Variants in ANKRD54 observed in about 807,000 individuals in gnomAD.
ANKRD54 encodes ankyrin repeat domain-containing protein 54.
A neutral mutation model predicts 36.2 loss-of-function variants in ANKRD54; 26 were observed. The ratio of observed to expected loss-of-function variants is 0.72; its 90% CI spans 0.53 to 1.00. The LOEUF (loss-of-function observed/expected upper bound fraction) is 1.00, where lower values mean the gene tolerates loss of function less well. Ranked by LOEUF, ANKRD54 falls within the 50% of genes least tolerant of loss-of-function variation. The pLI, the probability that ANKRD54 is intolerant of heterozygous loss-of-function variation, is 0.00. For missense variants in ANKRD54, 384 were observed against 424.3 expected (o/e 0.91, Z 0.83); for synonymous variants, 209 against 188.4 (o/e 1.11, Z -0.89).
chr22:37,833,221 CA>C lies in ANKRD54; in HGVS notation c.548-16del, dbSNP rs1235958961. The C allele has an allele frequency of 2.5e-6, 4 of 1,613,008 alleles. No individual in the cohort carries two copies. Among genetic ancestry groups the C allele is most frequent in the African/African-American group, 1.3e-5 (1 of 74,918 alleles). On this transcript the variant is annotated splice_polypyrimidine_tract_variant and intron_variant, in intron 4 of 7. Coordinates refer to ENST00000215941, the MANE Select transcript of ANKRD54 (RefSeq NM_138797.4). ...GGTGCAGGCCGCTGAGGAAGAACAACAGAGACTTAAGAATCCAGGACCACCA... is the reference window on the plus strand; with the variant it reads ...GGTGCAGGCCGCTGAGGAAGAACAACGAGACTTAAGAATCCAGGACCACCA...
chr22:37,837,654 A>C (rs960847744), intron 3 of ANKRD54, among the ~76,000 whole-genome samples: 51 of 152,338 alleles, frequency 3.3e-4, no homozygotes, highest in African/African-American at 1.2e-3. Flanking sequence ...GTACTGATAT[A>C]GGCAGTATTC....
At chr22:37,837,481 A>C (rs920093491) in intron 3 of ANKRD54, among the ~76,000 whole-genome samples, 1 of 152,360 alleles carries the variant, frequency 6.6e-6, no homozygotes, top group Non-Finnish European at 1.5e-5. Flanking sequence ...TACTAACTAC[A>C]GTCCACCCTC....
At chr22:37,832,149 CGCA>C in intron 7 of ANKRD54, 132 bp from the exon 8 acceptor site, 1 of 829,986 alleles carries the variant, frequency 1.2e-6, no homozygotes, top group Non-Finnish European at 1.9e-6. Context: ...CTTCTGACTA[CGCA>C]GCAGTTGACC....
In ANKRD54 at chr22:37,843,926, C is replaced by T; in HGVS notation, c.313G>A (p.Gly105Ser). 7.4e-7 allele frequency: 1 copy of T among 1,350,872 alleles called. No individual in the cohort carries two copies. The highest frequency in any genetic ancestry group is 9.5e-7 in the Non-Finnish European group (1 of 1,054,494). 83.7% of individuals were successfully genotyped at this position (1,350,872 alleles called of 1,614,324 possible). Reference sequence around the variant, plus strand: ...CGCCGCTCACCGTGCACCTCCTTGCCCGTGGGCCCGAGCCGCCGGTGGGGC... The same window carrying T: ...CGCCGCTCACCGTGCACCTCCTTGCTCGTGGGCCCGAGCCGCCGGTGGGGC... ...ARPHRRLGPT[G>S]KEVHALKRLR... is the part of the protein sequence containing the mutation. Residue 105 changes from glycine (G) to serine (S), a missense_variant, in exon 1 of 8, where the codon GGC (glycine) becomes AGC (serine). Coordinates refer to ENST00000215941, the MANE Select transcript of ANKRD54 (RefSeq NM_138797.4).
intron 3 of ANKRD54, among the ~76,000 whole-genome samples, chr22:37,835,685 C>T (rs773866871): frequency 3.3e-5 from 5 of 151,600 alleles, no homozygotes; most frequent in African/African-American, 9.7e-5. Context: ...GTGCACCTGT[C>T]GTCCCAGCTA....
upstream of ANKRD54, chr22:37,849,214 G>GGCCTCA: frequency 1.7e-6 from 1 of 572,524 alleles, no homozygotes; most frequent in Non-Finnish European, 3.2e-6. Context: ...TCAAACCCCC[G>GGCCTCA]GCCTCAGCCT....
chr22:37,840,074 C>G, intron 2 of ANKRD54, 113 bp downstream of exon 2: 1 of 1,253,986 alleles, frequency 8.0e-7, no homozygotes, highest in Non-Finnish European at 1.2e-6. Flanking sequence ...TACAGTGAGC[C>G]TGCTCCAAGG....
chr22:37,846,914 CAG>C (rs1271124773), upstream of ANKRD54, among the ~76,000 whole-genome samples: 2 of 147,952 alleles, frequency 1.4e-5, no homozygotes, highest in East Asian at 4.0e-4. Flanking sequence ...AGTGCAGTGG[CAG>C]GATCTCGGCT....
In ANKRD54 at chr22:37,832,693, G is replaced by A. The variant is rs751226170; in HGVS notation, c.772C>T (p.Arg258Ter). The change falls in exon 7 of 8, where the codon CGA becomes TGA. Residue 258 changes from arginine to a stop codon, truncating the protein, a stop_gained. Coordinates refer to ENST00000215941, the MANE Select transcript of ANKRD54 (RefSeq NM_138797.4). LOFTEE classifies it high-confidence loss of function. ...YLERLGQHEQ[R>*]ERLDDLCTRL... ...GTGCAGAGGTCATCCAGGCGTTCTC[G>A]CTGCTCATGTTGCCCTAGGCGCTCC... 4.3e-6 allele frequency: 7 copies of A among 1,613,978 alleles called. No homozygotes were observed. The highest frequency in any genetic ancestry group is 2.2e-5 in the East Asian group (1 of 44,904).
intron 1 of ANKRD54, among the ~76,000 whole-genome samples, chr22:37,841,403 A>G (rs1924222161): frequency 6.6e-6 from 1 of 151,906 alleles, no homozygotes; most frequent in South Asian, 2.1e-4. Flanking sequence ...GTGCACGCCT[A>G]CAATCCCAGC....
chr22:37,845,595 G>C (rs184298394), upstream of ANKRD54, among the ~76,000 whole-genome samples: 1 of 152,268 alleles, frequency 6.6e-6, no homozygotes, highest in African/African-American at 2.4e-5. Context: ...TAATCTTTCC[G>C]CACGGTGGGT....
Position 37,832,643 on chromosome 22 carries a change from T to G in ANKRD54, c.822A>C (p.Lys274Asn), listed in dbSNP as rs748498656. The change falls in exon 7 of 8, where the codon AAA (lysine) becomes AAC (asparagine). Residue 274 changes from lysine to asparagine, a missense_variant. Around this residue, in one of 3 missense-constraint regions of ANKRD54, gnomAD observed 179 missense variants for 224.0 expected, o/e 0.80. Transcript: ENST00000215941. ...GCCTGTGGCTGCAGCTCACCTGCTC[T>G]TTGGTACTGGTCATCTGCAGGCGGG... is the stretch of plus-strand genomic sequence containing the variant. ...LCTRLQMTST[K>N]EQVDEVTDLL... is the part of the protein sequence containing the mutation. 1.2e-6 allele frequency: 2 copies of G among 1,614,016 alleles called. No individual in the cohort carries two copies. Among genetic ancestry groups the G allele is most frequent in the Non-Finnish European group, 1.7e-6 (2 of 1,179,984 alleles).
At chr22:37,837,824 TA>T (rs1202943602) in intron 3 of ANKRD54, among the ~76,000 whole-genome samples, 3 of 152,132 alleles carry the variant, frequency 2.0e-5, no homozygotes, top group East Asian at 3.9e-4. Context: ...CCATCTCTAC[TA>T]AAAAATACAA....
chr22:37,831,911 G>A lies in ANKRD54; in HGVS notation c.*32C>T. On this transcript the variant is annotated 3_prime_UTR_variant, in exon 8 of 8. Transcript: ENST00000215941. ...CTGAGACAGCAGTGGGGCAGGGTGG[G>A]GCAGTGGCAGGAAGGCAGGGAGCCT... is the stretch of plus-strand genomic sequence containing the variant. 1 of 1,608,342 alleles carries A rather than the reference G, an allele frequency of 6.2e-7. No homozygotes were observed. The highest frequency in any genetic ancestry group is 8.5e-7 in the Non-Finnish European group (1 of 1,176,400).
chr22:37,844,407 A>G, upstream of ANKRD54: 1 of 624,498 alleles, frequency 1.6e-6, no homozygotes. Flanking sequence ...GCGGCGAACC[A>G]ATGACTACCC....
chr22:37,844,545 G>A (rs1417316180), upstream of ANKRD54: 2 of 348,900 alleles, frequency 5.7e-6, no homozygotes, highest in East Asian at 4.4e-5. Context: ...AAGTGACCTT[G>A]GCTTTCGCTG....
chr22:37,838,639 G>A (rs1176267241), intron 2 of ANKRD54, 41 bp from the exon 3 acceptor site: 2 of 1,575,026 alleles, frequency 1.3e-6, no homozygotes, highest in East Asian at 4.7e-5. Context: ...GGAGAAAGCG[G>A]CGATGTTAGC....
chr22:37,838,421 G>T, intron 3 of ANKRD54, 79 bp downstream of exon 3: 1 of 1,394,286 alleles, frequency 7.2e-7, no homozygotes, highest in Non-Finnish European at 9.8e-7. Context: ...AGGCTGTGCA[G>T]ACAGCAGCGC....
chr22:37,840,259 G>C, intron 1 of ANKRD54, 25 bp from the exon 2 acceptor site: 1 of 1,612,726 alleles, frequency 6.2e-7, no homozygotes, highest in Non-Finnish European at 8.5e-7. Flanking sequence ...ACGGATGCCA[G>C]TTTAAAAAAA....
Sources: gnomAD v4.1 joint callset for allele counts (sites outside exome capture counted in the v4.1 genomes callset) on GRCh38, gnomAD v4.1.1 for gene constraint, gnomAD v4.1.1 regional missense constraint, MANE v1.5 for transcripts, NCBI Gene and HGNC (gene_info 2026-07-23, HGNC 2026-07-21) for gene names.